NUMB: variants seen among roughly 807,000 people sequenced by gnomAD.
NUMB encodes the protein protein numb homolog.
In NUMB, 29 loss-of-function variants were observed where a neutral mutation model predicts 59.7. The ratio of observed to expected loss-of-function variants is 0.49; its 90% CI spans 0.36 to 0.66. NUMB has a LOEUF of 0.66. Ranked by LOEUF, NUMB falls within the 30% of genes least tolerant of loss-of-function variation. The pLI, the probability that NUMB is intolerant of heterozygous loss-of-function variation, is 0.00. For synonymous variants in NUMB, 288 were observed against 288.2 expected (o/e 1.00, Z 0.01); for missense variants, 723 against 822.0 (o/e 0.88, Z 1.47).
At chr14:73,413,449 T>C (rs957691183) in intron 1 of NUMB, among the ~76,000 whole-genome samples, 2 of 151,912 alleles carry the variant, frequency 1.3e-5, no homozygotes, top group Admixed American at 6.6e-5. Flanking sequence ...TTGCTTCTAA[T>C]GATTTGATTC....
chr14:73,371,340 T>C (rs1894661977), intron 2 of NUMB, among the ~76,000 whole-genome samples: 2 of 151,842 alleles, frequency 1.3e-5, no homozygotes, highest in South Asian at 4.2e-4. Flanking sequence ...ATCGAGATCA[T>C]CCTGGCCAAC....
intron 8 of NUMB, among the ~76,000 whole-genome samples, chr14:73,290,343 CCTATG>C (rs1889310902): frequency 6.6e-6 from 1 of 152,158 alleles, no homozygotes; most frequent in Non-Finnish European, 1.5e-5. Flanking sequence ...TGGCCCAGAA[CCTATG>C]CTAAGTGTGC....
At chr14:73,395,965 A>G (rs1203758685) in intron 2 of NUMB, among the ~76,000 whole-genome samples, 1 of 152,264 alleles carries the variant, frequency 6.6e-6, no homozygotes, top group Non-Finnish European at 1.5e-5. Flanking sequence ...TATATGGAAA[A>G]TAAGTCTAAA....
chr14:73,436,708 C>T (rs1256333981), intron 1 of NUMB, among the ~76,000 whole-genome samples: 5 of 151,828 alleles, frequency 3.3e-5, no homozygotes, highest in African/African-American at 7.3e-5. Flanking sequence ...TGGCCGGGCG[C>T]GGTGGCTCAC....
At chr14:73,404,412 T>C (rs1260173469) in intron 2 of NUMB, among the ~76,000 whole-genome samples, 1 of 152,158 alleles carries the variant, frequency 6.6e-6, no homozygotes, top group Non-Finnish European at 1.5e-5. Flanking sequence ...TAAATGTTTA[T>C]AAAGTATAAT....
At chr14:73,387,442 G>A (rs1236923133) in intron 2 of NUMB, among the ~76,000 whole-genome samples, 2 of 152,090 alleles carry the variant, frequency 1.3e-5, no homozygotes, top group African/African-American at 2.4e-5. Context: ...GTGCTACAAG[G>A]GAGTCCTTTT....
intron 2 of NUMB, among the ~76,000 whole-genome samples, chr14:73,368,409 C>T (rs954573444): frequency 1.3e-5 from 2 of 152,024 alleles, no homozygotes; most frequent in Non-Finnish European, 2.9e-5. Flanking sequence ...GAAACCTTGT[C>T]TCTACTAAAA....
intron 1 of NUMB, among the ~76,000 whole-genome samples, chr14:73,427,318 A>C (rs903315527): frequency 3.3e-5 from 5 of 152,064 alleles, no homozygotes; most frequent in African/African-American, 1.2e-4. Flanking sequence ...TACAAAAATT[A>C]GCCGGGCATG....
At position 73,406,260 on chromosome 14, in the gene NUMB, A is replaced by G. The variant is rs569776172; in HGVS notation, c.-101+3677T>C. Among the ~76,000 whole-genome samples the G allele has an allele frequency of 3.5e-3, 353 of 102,164 alleles. 1 individual carries two copies. Among genetic ancestry groups the G allele is most frequent in the African/African-American group, 0.013 (339 of 25,968 alleles). 67.0% of individuals were successfully genotyped at this position (102,164 alleles called of 152,430 possible). A position where few individuals can be genotyped will look rare whatever the true frequency, so the allele number is the denominator to read the frequency against. The stretch of plus-strand genomic sequence containing the variant: ...CCCTCCCCCCTCCCCCCACCCCATG[A>G]CAGGCCCCGGTGTGTGATGTTCCCC... On this transcript the variant is annotated intron_variant, in intron 2 of 12. Coordinates refer to ENST00000555238, the MANE Select transcript of NUMB (RefSeq NM_001005743.2).
At chr14:73,386,882 T>A (rs1358952351) in intron 2 of NUMB, among the ~76,000 whole-genome samples, 1 of 67,928 alleles carries the variant, frequency 1.5e-5, no homozygotes, top group Non-Finnish European at 3.2e-5. Context: ...TTTTTTTTTT[T>A]TTTTTTTTTT....
intron 1 of NUMB, among the ~76,000 whole-genome samples, chr14:73,440,800 C>T (rs1040431472): frequency 2.8e-5 from 4 of 141,084 alleles, no homozygotes; most frequent in African/African-American, 8.1e-5. Context: ...TGCACTCCAG[C>T]CTGGGTGACA....
intron 11 of NUMB, among the ~76,000 whole-genome samples, chr14:73,279,894 C>A (rs546065302): frequency 4.6e-5 from 7 of 152,326 alleles, no homozygotes; most frequent in African/African-American, 1.4e-4. Flanking sequence ...TGGTGGCTCA[C>A]GCCTGTAATC....
chr14:73,386,867 A>ATTTTTTTTTTTTTTTTTTTTT (rs71112745), intron 2 of NUMB, among the ~76,000 whole-genome samples: 2 of 79,838 alleles, frequency 2.5e-5, no homozygotes, highest in Admixed American at 1.8e-4. Flanking sequence ...CAGGTGTCTT[A>ATTTTTTTTTTTTTTTTTTTTT]TTTTTTTTTT....
At chr14:73,440,827 CAAAAA>C (rs397713746) in intron 1 of NUMB, among the ~76,000 whole-genome samples, 2 of 47,824 alleles carry the variant, frequency 4.2e-5, no homozygotes, top group African/African-American at 6.6e-5. Flanking sequence ...GACTCCGTCT[CAAAAA>C]AAAAAAAAAA....
At chr14:73,431,853 A>T (rs1897846419) in intron 1 of NUMB, among the ~76,000 whole-genome samples, 1 of 152,040 alleles carries the variant, frequency 6.6e-6, no homozygotes, top group Non-Finnish European at 1.5e-5. Flanking sequence ...AAATATACTT[A>T]CTCTTTCTAA....
rs770814574 is a variant in NUMB at position 73,282,398 on chromosome 14, G to T, written c.1057C>A (p.Pro353Thr). ...DPFSSAPMTK[P>T]VTVVAPQSPT... ...GATTGTGGTGCCACCACTGTCACTG[G>T]TTTGGTCATCGGAGCAGATGAGAAG... The change falls in exon 11 of 13, where the codon CCA becomes ACA. Residue 353 changes from proline to threonine, a missense_variant. This residue lies in a region of NUMB where 406 missense variants were observed against 385.4 expected (regional missense o/e 1.05). Transcript: ENST00000555238. The T allele has an allele frequency of 1.2e-6, 2 of 1,614,196 alleles. No individual in the cohort carries two copies. Among genetic ancestry groups the T allele is most frequent in the East Asian group, 2.2e-5 (1 of 44,892 alleles).
At chr14:73,389,469 C>A (rs1474611910) in intron 2 of NUMB, among the ~76,000 whole-genome samples, 2 of 151,536 alleles carry the variant, frequency 1.3e-5, no homozygotes, top group South Asian at 4.2e-4. Context: ...ACTACAGGTG[C>A]GTGCCACCAC....
chr14:73,332,782 C>G (rs1220061582), intron 4 of NUMB, among the ~76,000 whole-genome samples: 2 of 35,622 alleles, frequency 5.6e-5, no homozygotes, highest in Non-Finnish European at 9.4e-5. Flanking sequence ...CCCACAGCCC[C>G]CGGCAACTAC....
At chr14:73,279,024 G>A (rs760679667) in intron 12 of NUMB, among the ~76,000 whole-genome samples, 3 of 152,020 alleles carry the variant, frequency 2.0e-5, no homozygotes, top group African/African-American at 4.8e-5. Flanking sequence ...ACACCCAGCC[G>A]GAATCTGTAT....
Sources: allele counts gnomAD v4.1 joint callset (sites outside exome capture counted in the v4.1 genomes callset), GRCh38; gene constraint gnomAD v4.1.1; regional missense constraint gnomAD v4.1.1; transcripts MANE v1.5; gene names NCBI Gene and HGNC (gene_info 2026-07-23, HGNC 2026-07-21).